ZNF804B: variants seen among roughly 807,000 people sequenced by gnomAD.
ZNF804B encodes the protein zinc finger 804B.
In ZNF804B, 80 loss-of-function variants were observed where a neutral mutation model predicts 101.4. The ratio of observed to expected loss-of-function variants is 0.79; its 90% CI spans 0.66 to 0.95. ZNF804B has a LOEUF of 0.95. Among genes scored for constraint, ZNF804B ranks in the 40% least tolerant of loss-of-function variants. The probability of loss-of-function intolerance (pLI) is 0.00; values close to 1 mark genes in which losing one functional copy is unlikely to be tolerated. For synonymous variants in ZNF804B, 622 were observed against 558.8 expected, an observed-to-expected ratio of 1.11 and a Z score of -1.59; for missense variants, 1,673 against 1,561.9, an observed-to-expected ratio of 1.07 and a Z score of -1.20.
chr7:88,983,903 A>C (rs1793724743), intron 1 of ZNF804B, among the ~76,000 whole-genome samples: 1 of 152,022 alleles, frequency 6.6e-6, no homozygotes, highest in Non-Finnish European at 1.5e-5. Flanking sequence ...ATCTTACTTT[A>C]ATATGCTATA....
At chr7:89,256,052 T>C (rs960792029) in intron 2 of ZNF804B, among the ~76,000 whole-genome samples, 3 of 152,128 alleles carry the variant, frequency 2.0e-5, no homozygotes, top group African/African-American at 7.2e-5. Context: ...AATACTAGTG[T>C]GCTGGGATGA....
chr7:88,856,776 G>A (rs541889014), intron 1 of ZNF804B, among the ~76,000 whole-genome samples: 92 of 152,186 alleles, frequency 6.0e-4, no homozygotes, highest in Non-Finnish European at 1.1e-3. Context: ...TTTGAGATAC[G>A]TCCCATCAAT....
chr7:89,078,193 T>C (rs879779340), intron 1 of ZNF804B, among the ~76,000 whole-genome samples: 4 of 152,122 alleles, frequency 2.6e-5, no homozygotes, highest in Admixed American at 2.0e-4. Context: ...CTCAGTGTGA[T>C]GACTAACTTT....
At chr7:89,253,014 C>G (rs776110535) in intron 2 of ZNF804B, among the ~76,000 whole-genome samples, 1 of 151,870 alleles carries the variant, frequency 6.6e-6, no homozygotes, top group Non-Finnish European at 1.5e-5. Context: ...CCCACTATAT[C>G]TAAGATGAAA....
chr7:88,812,025 T>C (rs895487196), intron 1 of ZNF804B, among the ~76,000 whole-genome samples: 3 of 152,190 alleles, frequency 2.0e-5, no homozygotes, highest in African/African-American at 7.2e-5. Context: ...CTTTTGTCGA[T>C]AAATTCTCAT....
At chr7:89,216,049 A>C (rs2115691074) in intron 1 of ZNF804B, among the ~76,000 whole-genome samples, 1 of 152,328 alleles carries the variant, frequency 6.6e-6, no homozygotes, top group Non-Finnish European at 1.5e-5. Context: ...CACGCCTATA[A>C]TGCCAGTGCT....
At chr7:88,956,362 C>G (rs1429060082) in intron 1 of ZNF804B, among the ~76,000 whole-genome samples, 19 of 151,444 alleles carry the variant, frequency 1.3e-4, no homozygotes, top group Admixed American at 1.2e-3. Context: ...TTTACATCAA[C>G]CAAATTATGT....
At chr7:88,821,212 A>G (rs1230104599) in intron 1 of ZNF804B, among the ~76,000 whole-genome samples, 1 of 152,210 alleles carries the variant, frequency 6.6e-6, no homozygotes, top group African/African-American at 2.4e-5. Context: ...TTCCCTGGTC[A>G]CAATAGCTCC....
chr7:89,148,283 C>G (rs1790819127), intron 1 of ZNF804B, among the ~76,000 whole-genome samples: 1 of 151,944 alleles, frequency 6.6e-6, no homozygotes. Context: ...TAGTACTCTT[C>G]CAAAATTATT....
At chr7:88,887,121 G>A (rs193104577) in intron 1 of ZNF804B, among the ~76,000 whole-genome samples, 28 of 152,158 alleles carry the variant, frequency 1.8e-4, no homozygotes, top group Admixed American at 5.9e-4. Context: ...ACAAGATTGC[G>A]GAGACAAGGG....
rs1375016683 is a variant in ZNF804B, at chr7:88,795,039, T to C, written c.108+34955T>C. 4.8e-6 allele frequency: 5 copies of C among 1,042,234 alleles called. No individual in the cohort carries two copies. In the East Asian group the frequency reaches 1.1e-4, roughly 23 times the overall value. 64.6% of individuals were successfully genotyped at this position (1,042,234 alleles called of 1,614,324 possible). A position where few individuals can be genotyped will look rare whatever the true frequency, so the allele number is the denominator to read the frequency against. On this transcript the variant is annotated intron_variant, in intron 1 of 3. Transcript: ENST00000333190. ...CTCTTTACTGATGAACTCGTGTTTT[T>C]ATTTCTTCTGACAAAAAAAAAAAGA...
At chr7:89,164,127 T>G (rs1006260520) in intron 1 of ZNF804B, among the ~76,000 whole-genome samples, 1 of 152,060 alleles carries the variant, frequency 6.6e-6, no homozygotes, top group Non-Finnish European at 1.5e-5. Flanking sequence ...AAATGAGCTT[T>G]GATAACACTA....
chr7:89,161,627 G>T (rs988701928), intron 1 of ZNF804B, among the ~76,000 whole-genome samples: 2 of 96,902 alleles, frequency 2.1e-5, no homozygotes, highest in East Asian at 4.8e-4. Context: ...GGGCTCAAGC[G>T]ATCCTCCCAC....
intron 2 of ZNF804B, among the ~76,000 whole-genome samples, chr7:89,248,337 A>T (rs1343501302): frequency 6.6e-6 from 1 of 152,140 alleles, no homozygotes; most frequent in Admixed American, 6.6e-5. Flanking sequence ...CTAAAGAAAA[A>T]ATCTTAAAAG....
chr7:89,171,455 G>A (rs548607670), intron 1 of ZNF804B, among the ~76,000 whole-genome samples: 56 of 141,624 alleles, frequency 4.0e-4, no homozygotes, highest in Non-Finnish European at 7.5e-4. Context: ...CTTCTTCTTC[G>A]ACAGAGTCTT....
At chr7:88,906,559 T>G (rs1792473815) in intron 1 of ZNF804B, among the ~76,000 whole-genome samples, 1 of 152,184 alleles carries the variant, frequency 6.6e-6, no homozygotes, top group Non-Finnish European at 1.5e-5. Context: ...GGAGATCTTC[T>G]TGATTTTGCT....
intron 1 of ZNF804B, among the ~76,000 whole-genome samples, chr7:88,897,065 C>T (rs961810213): frequency 6.6e-6 from 1 of 152,124 alleles, no homozygotes; most frequent in African/African-American, 2.4e-5. Flanking sequence ...GATATTATTA[C>T]TCTTACTGTA....
At chr7:88,838,292 T>C (rs1297229818) in intron 1 of ZNF804B, among the ~76,000 whole-genome samples, 1 of 151,908 alleles carries the variant, frequency 6.6e-6, no homozygotes, top group Non-Finnish European at 1.5e-5. Flanking sequence ...GACATAATTT[T>C]CCCAAATCAT....
At chr7:89,165,319 G>T (rs1791125317) in intron 1 of ZNF804B, among the ~76,000 whole-genome samples, 2 of 152,010 alleles carry the variant, frequency 1.3e-5, no homozygotes, top group Non-Finnish European at 2.9e-5. Flanking sequence ...TATGTCTGGG[G>T]TTTATACAAA....
Sources: gnomAD v4.1 joint callset for allele counts (sites outside exome capture counted in the v4.1 genomes callset) on GRCh38, gnomAD v4.1.1 for gene constraint, MANE v1.5 for transcripts, NCBI Gene and HGNC (gene_info 2026-07-23, HGNC 2026-07-21) for gene names.